Variants in NCKAP5 observed in about 807,000 individuals in gnomAD.
The protein encoded by NCKAP5 is NCK associated protein 5.
Under a neutral mutation model 167.0 loss-of-function variants are expected in NCKAP5, and 92 were observed. The observed-to-expected ratio is 0.55, with a 90% CI of 0.47 to 0.66. The LOEUF is 0.66. Ranked by LOEUF, NCKAP5 falls within the 30% of genes least tolerant of loss-of-function variation. The pLI is 0.00. For synonymous variants in NCKAP5, 891 were observed against 877.4 expected, an observed-to-expected ratio of 1.02 and a Z score of -0.27; for missense variants, 2,378 against 2,315.0, an observed-to-expected ratio of 1.03 and a Z score of -0.56.
intron 5 of NCKAP5, among the ~76,000 whole-genome samples, chr2:133,192,740 T>C (rs13022300): frequency 0.17 from 25,072 of 151,876 alleles, 2,404 homozygotes; most frequent in Middle Eastern, 0.22. Flanking sequence ...AAAAAAACAG[T>C]CATAACACAC....
chr2:133,101,140 C>A (rs1353408614), intron 6 of NCKAP5, among the ~76,000 whole-genome samples: 6 of 149,408 alleles, frequency 4.0e-5, no homozygotes, highest in South Asian at 2.2e-4. Flanking sequence ...GTTTTCCCAG[C>A]ACCATTTATT....
intron 3 of NCKAP5, among the ~76,000 whole-genome samples, chr2:133,432,667 A>C (rs904343520): frequency 6.6e-6 from 1 of 152,222 alleles, no homozygotes; most frequent in East Asian, 1.9e-4. Flanking sequence ...TACTCCTGCA[A>C]GACTATGAGC....
At chr2:133,195,755 C>G (rs2085408011) in intron 5 of NCKAP5, among the ~76,000 whole-genome samples, 1 of 151,936 alleles carries the variant, frequency 6.6e-6, no homozygotes, top group Non-Finnish European at 1.5e-5. Flanking sequence ...ATAAGAGAAG[C>G]CTCTTAGACA....
At chr2:133,557,641 T>C (rs1460327841) in intron 2 of NCKAP5, among the ~76,000 whole-genome samples, 1 of 152,228 alleles carries the variant, frequency 6.6e-6, no homozygotes, top group Non-Finnish European at 1.5e-5. Flanking sequence ...GCAGAAACTA[T>C]TTAATCAAAG....
chr2:132,862,885 G>A (rs528684960), intron 10 of NCKAP5, among the ~76,000 whole-genome samples: 2 of 151,910 alleles, frequency 1.3e-5, no homozygotes, highest in Non-Finnish European at 2.9e-5. Flanking sequence ...GCAGTGGCGC[G>A]ATCTTGGTGC....
At chr2:133,478,717 C>A (rs1252129244) in intron 3 of NCKAP5, among the ~76,000 whole-genome samples, 1 of 152,128 alleles carries the variant, frequency 6.6e-6, no homozygotes. Flanking sequence ...AACTGCGATG[C>A]ATTTCAAATG....
At chr2:133,415,436 AT>A (rs1689049058) in intron 3 of NCKAP5, among the ~76,000 whole-genome samples, 1 of 152,246 alleles carries the variant, frequency 6.6e-6, no homozygotes, top group Non-Finnish European at 1.5e-5. Context: ...GCTATAAGGC[AT>A]CTGGTGACGC....
In NCKAP5 at chr2:132,790,157, C is replaced by T. The variant is rs1403707124; in HGVS notation, c.958G>A (p.Ala320Thr). 5 of 1,613,464 alleles carry T rather than the reference C, an allele frequency of 3.1e-6. No homozygotes were observed. The highest frequency in any genetic ancestry group is 4.5e-5 in the East Asian group (2 of 44,870). The change falls in exon 13 of 20, where the codon GCT (alanine) becomes ACT (threonine). Residue 320 changes from alanine to threonine, a missense_variant. Coordinates refer to ENST00000409261, the MANE Select transcript of NCKAP5 (RefSeq NM_207363.3). ...GGACAGAGATGACCAGGGATGACAGCCCCCAAGCCAGGGCATTTCAAGGCC... is the reference window on the plus strand; with the variant it reads ...GGACAGAGATGACCAGGGATGACAGTCCCCAAGCCAGGGCATTTCAAGGCC... The part of the protein sequence containing the change: ...KSALKCPGLG[A>T]VIPGHLCPRN...
At chr2:132,810,727 C>A (rs1228498494) in intron 11 of NCKAP5, among the ~76,000 whole-genome samples, 1 of 152,158 alleles carries the variant, frequency 6.6e-6, no homozygotes, top group African/African-American at 2.4e-5. Flanking sequence ...TCTGATCCCT[C>A]CCTGATTAGC....
intron 15 of NCKAP5, among the ~76,000 whole-genome samples, chr2:132,780,282 G>T (rs933030591): frequency 6.6e-6 from 1 of 152,004 alleles, no homozygotes; most frequent in South Asian, 2.1e-4. Context: ...CTCCCAAGTC[G>T]CTGGGACTGC....
At chr2:133,174,912 C>A (rs1035705134) in intron 5 of NCKAP5, among the ~76,000 whole-genome samples, 3 of 151,934 alleles carry the variant, frequency 2.0e-5, no homozygotes, top group Admixed American at 1.3e-4. Flanking sequence ...CTGCCAAGTC[C>A]AAAGATGTAG....
chr2:133,056,623 T>C (rs1461067727), intron 6 of NCKAP5, among the ~76,000 whole-genome samples: 1 of 152,196 alleles, frequency 6.6e-6, no homozygotes, highest in Non-Finnish European at 1.5e-5. Flanking sequence ...AGTTAAAGGC[T>C]ACATGGGCTT....
intron 3 of NCKAP5, among the ~76,000 whole-genome samples, chr2:133,363,714 G>A (rs539664376): frequency 1.3e-5 from 2 of 151,898 alleles, no homozygotes; most frequent in South Asian, 2.1e-4. Context: ...GCCAATCTCC[G>A]GTACAAAGAA....
the NCKAP5 span, among the ~76,000 whole-genome samples, chr2:133,630,962 T>C: frequency 6.6e-6 from 1 of 152,180 alleles, no homozygotes; most frequent in African/African-American, 2.4e-5. Flanking sequence ...AATGTATATG[T>C]GAAAGATGTT....
At chr2:133,308,835 C>T (rs1011861261) in intron 3 of NCKAP5, among the ~76,000 whole-genome samples, 1 of 149,032 alleles carries the variant, frequency 6.7e-6, no homozygotes. Context: ...CTCAGCCTCC[C>T]GAGTAGCTGG....
At chr2:133,051,639 A>G (rs933977322) in intron 6 of NCKAP5, among the ~76,000 whole-genome samples, 2 of 152,210 alleles carry the variant, frequency 1.3e-5, no homozygotes, top group African/African-American at 4.8e-5. Context: ...GGATATGTGG[A>G]TTAAAGCCCA....
chr2:132,782,051 T>C lies in NCKAP5; in HGVS notation c.4760A>G (p.Asn1587Ser), dbSNP rs1162483912. ...GTAAATGTCTTGTGGTGTTCTCCGA[T>C]TATTTTTGCTTTGTAAACCGCCATC... ...NPDGGLQSKN[N>S]RRTPQDIYNQ... The change falls in exon 14 of 20, where the codon AAT becomes AGT. Residue 1587 changes from asparagine to serine, a missense_variant. Transcript: ENST00000409261. 1 of 1,613,944 alleles carries C rather than the reference T, an allele frequency of 6.2e-7. No homozygotes were observed. The highest frequency in any genetic ancestry group is 1.3e-5 in the African/African-American group (1 of 74,942).
At chr2:133,459,706 T>C (rs1355555312) in intron 3 of NCKAP5, among the ~76,000 whole-genome samples, 1 of 152,192 alleles carries the variant, frequency 6.6e-6, no homozygotes, top group Non-Finnish European at 1.5e-5. Context: ...TGAGGTATAC[T>C]AATCATTACA....
At chr2:133,396,815 T>C (rs1489717797) in intron 3 of NCKAP5, among the ~76,000 whole-genome samples, 11 of 152,198 alleles carry the variant, frequency 7.2e-5, no homozygotes, top group Non-Finnish European at 1.6e-4. Context: ...CAGTACTATA[T>C]TGTCATTATT....
Sources: allele counts gnomAD v4.1 joint callset (sites outside exome capture counted in the v4.1 genomes callset), GRCh38; gene constraint gnomAD v4.1.1; transcripts MANE v1.5; gene names NCBI Gene and HGNC (gene_info 2026-07-23, HGNC 2026-07-21).